PUM3: variants seen among roughly 807,000 people sequenced by gnomAD.
The protein encoded by PUM3 is pumilio RNA binding family member 3, also known as pumilio homolog 3.
Under a neutral mutation model 84.0 loss-of-function variants are expected in PUM3, and 91 were observed. That is an observed-to-expected ratio of 1.08 (90% CI 0.91 to 1.29). PUM3 has a LOEUF of 1.29. PUM3 is among the 50% of genes most tolerant of loss of function. The pLI, the probability that PUM3 is intolerant of heterozygous loss-of-function variation, is 0.00. For missense variants in PUM3, 1,067 were observed against 767.5 expected, an observed-to-expected ratio of 1.39 and a Z score of -4.61; for synonymous variants, 321 against 266.7, an observed-to-expected ratio of 1.20 and a Z score of -1.98.
At chr9:2,833,769 C>T (rs923541746) in intron 4 of PUM3, among the ~76,000 whole-genome samples, 9 of 152,172 alleles carry the variant, frequency 5.9e-5, no homozygotes, top group Admixed American at 5.2e-4. Context: ...TTCATTTTCT[C>T]AGAAATCTCT....
intron 3 of PUM3, among the ~76,000 whole-genome samples, chr9:2,836,070 GAGA>G (rs1432955990): frequency 1.3e-5 from 2 of 152,120 alleles, no homozygotes; most frequent in African/African-American, 2.4e-5. Flanking sequence ...AAAATGAAAA[GAGA>G]AGATCAAGAC....
intron 15 of PUM3, among the ~76,000 whole-genome samples, chr9:2,811,118 T>C (rs1024099518): frequency 2.0e-5 from 3 of 152,230 alleles, no homozygotes; most frequent in African/African-American, 7.2e-5. Flanking sequence ...GGGCACTCAA[T>C]ACTTGGCAAT....
chr9:2,841,537 C>T (rs964034486), intron 1 of PUM3, among the ~76,000 whole-genome samples: 1 of 152,158 alleles, frequency 6.6e-6, no homozygotes, highest in African/African-American at 2.4e-5. Flanking sequence ...CACTACACTC[C>T]AGCCTGGGCA....
At chr9:2,829,032 A>G (rs1386118642) in intron 8 of PUM3, among the ~76,000 whole-genome samples, 1 of 152,212 alleles carries the variant, frequency 6.6e-6, no homozygotes, top group Non-Finnish European at 1.5e-5. Context: ...CCAAGCACCT[A>G]GCTCTTGCCC....
At chr9:2,836,959 C>T (rs1009029857) in intron 3 of PUM3, among the ~76,000 whole-genome samples, 1 of 152,170 alleles carries the variant, frequency 6.6e-6, no homozygotes, top group Admixed American at 6.5e-5. Flanking sequence ...AACTTAACTC[C>T]ATGGCTAAGG....
chr9:2,814,977 C>T (rs76109388), intron 13 of PUM3, among the ~76,000 whole-genome samples: 3,236 of 152,168 alleles, frequency 0.021, 143 homozygotes, highest in African/African-American at 0.074. Flanking sequence ...GGGACTAATC[C>T]AACACATATG....
intron 12 of PUM3, 41 bp downstream of exon 12, chr9:2,823,740 C>T (rs1815730531): frequency 1.1e-6 from 1 of 893,048 alleles, no homozygotes; most frequent in Non-Finnish European, 1.7e-6. Flanking sequence ...ATTCATCTTA[C>T]TATCAAAAAT....
chr9:2,806,806 C>T (rs575854501), intron 17 of PUM3, among the ~76,000 whole-genome samples: 2 of 152,120 alleles, frequency 1.3e-5, no homozygotes, highest in African/African-American at 4.8e-5. Context: ...AAATGCTCTT[C>T]CAATCCTTTT....
At chr9:2,815,310 C>T (rs991740527) in intron 13 of PUM3, among the ~76,000 whole-genome samples, 1 of 152,168 alleles carries the variant, frequency 6.6e-6, no homozygotes, top group Non-Finnish European at 1.5e-5. Context: ...CAGCTTTCCC[C>T]TACCATCAAA....
At chr9:2,827,911 G>C (rs1815866550) in intron 9 of PUM3, among the ~76,000 whole-genome samples, 1 of 152,220 alleles carries the variant, frequency 6.6e-6, no homozygotes, top group Admixed American at 6.5e-5. Context: ...GTAATAGTTG[G>C]GGGAGTGGGG....
rs751867013 is a variant in PUM3 at position 2,834,027 on chromosome 9, T to A, written c.440+4A>T. ...CTAACAAAGGCATCTTTAGGTAGAA[T>A]TACCTTCTTAAAATCTCCCACATCT... is the stretch of plus-strand genomic sequence containing the variant. On this transcript the variant is annotated splice_donor_region_variant and intron_variant, in intron 4 of 17. Transcript: ENST00000397885. 8.7e-6 allele frequency: 14 copies of A among 1,613,004 alleles called. No homozygotes were observed. The highest frequency in any genetic ancestry group is 1.1e-5 in the Non-Finnish European group (13 of 1,179,526).
chr9:2,807,756 G>C (rs1821288369), intron 17 of PUM3, 58 bp downstream of exon 17: 2 of 1,056,952 alleles, frequency 1.9e-6, no homozygotes, highest in South Asian at 2.6e-5. Flanking sequence ...CAACGTGAAG[G>C]AAGTGTGTCT....
In PUM3 at chr9:2,827,107, T is replaced by G. The variant is rs1327551861; in HGVS notation, c.1001A>C (p.Asp334Ala). 1 of 1,609,370 alleles carries G rather than the reference T, an allele frequency of 6.2e-7. No homozygotes were observed. The highest frequency in any genetic ancestry group is 1.3e-5 in the African/African-American group (1 of 74,588). The part of the protein sequence containing the change: ...KHSLVHKVFL[D>A]FFTYAPPKLR... ...TTTGGGGGGTGCATAGGTAAAAAAG[T>G]CCAAGAATACTTTATGCACCAATGA... The change falls in exon 10 of 18, where the codon GAC (aspartate) becomes GCC (alanine). Residue 334 changes from aspartate to alanine, a missense_variant. Asp to Ala is a moderately radical substitution (Grantham distance 126, BLOSUM62 -2). Transcript: ENST00000397885.
chr9:2,812,223 T>C lies in PUM3; in HGVS notation c.1409A>G (p.His470Arg). 6.2e-7 allele frequency: 1 copy of C among 1,613,692 alleles called. No homozygotes were observed. Among genetic ancestry groups the C allele is most frequent in the Non-Finnish European group, 8.5e-7 (1 of 1,179,638 alleles). ...AAGCCATTCTACTTGGTTTTACCTG[T>C]GTGCATTTCCATCTCCTTTTTGCAG... is the stretch of plus-strand genomic sequence containing the variant. Reference protein sequence around the residue: ...EVLQKGDGNAHSKKDTEVRRR... With the variant: ...EVLQKGDGNARSKKDTEVRRR... Residue 470 changes from histidine to arginine, a missense_variant, in exon 14 of 18, where the codon CAC (histidine) becomes CGC (arginine). Coordinates refer to ENST00000397885, the MANE Select transcript of PUM3 (RefSeq NM_014878.5).
At chr9:2,828,535 A>G (rs1473282652) in intron 9 of PUM3, 140 bp downstream of exon 9, 5 of 585,850 alleles carry the variant, frequency 8.5e-6, no homozygotes, top group Admixed American at 6.4e-5. Flanking sequence ...ATGGTTTCAA[A>G]CCAACACTTT....
At chr9:2,813,238 C>G (rs1821406283) in intron 13 of PUM3, among the ~76,000 whole-genome samples, 1 of 152,188 alleles carries the variant, frequency 6.6e-6, no homozygotes, top group Non-Finnish European at 1.5e-5. Context: ...TAACTAAACT[C>G]CTGTGTAAAT....
At chr9:2,838,742 C>A (rs1164827769) in intron 1 of PUM3, among the ~76,000 whole-genome samples, 2 of 152,158 alleles carry the variant, frequency 1.3e-5, no homozygotes, top group South Asian at 2.1e-4. Flanking sequence ...AAGAACAACA[C>A]ACACCCTGGC....
intron 1 of PUM3, among the ~76,000 whole-genome samples, chr9:2,840,756 C>A (rs1386670844): frequency 6.6e-6 from 1 of 152,178 alleles, no homozygotes; most frequent in African/African-American, 2.4e-5. Context: ...GCTTTTAAAG[C>A]ACATCCTTAT....
Position 2,831,297 on chromosome 9 carries a change from C to T in PUM3, c.564G>A (p.Gln188=). ...DSTRVIQCYI[Q]YGNEEQRKQA... is the part of the protein sequence containing the mutation. Reference sequence around the variant, plus strand: ...GTTTTCTCTGTTCTTCATTACCATACTGAATGTAACACTGGATCACACGAG... The same window carrying T: ...GTTTTCTCTGTTCTTCATTACCATATTGAATGTAACACTGGATCACACGAG... Residue 188 remains glutamine (Q), a synonymous_variant, in exon 6 of 18, where the codon CAG becomes CAA. Coordinates refer to ENST00000397885, the MANE Select transcript of PUM3 (RefSeq NM_014878.5). The T allele has an allele frequency of 6.2e-7, 1 of 1,610,774 alleles. No homozygotes were observed. The highest frequency in any genetic ancestry group is 8.5e-7 in the Non-Finnish European group (1 of 1,178,718).
Sources: allele counts gnomAD v4.1 joint callset (sites outside exome capture counted in the v4.1 genomes callset), GRCh38; gene constraint gnomAD v4.1.1; transcripts MANE v1.5; gene names NCBI Gene and HGNC (gene_info 2026-07-23, HGNC 2026-07-21).